The following ANO4 variants were observed in gnomAD, a reference collection of about 807,000 sequenced individuals.
ANO4 encodes anoctamin 4.
ANO4 carries 69 observed loss-of-function variants against 141.9 expected under a neutral mutation model. The observed-to-expected ratio is 0.49, with a 90% CI of 0.40 to 0.59. The LOEUF (loss-of-function observed/expected upper bound fraction) is 0.59, where lower values mean the gene tolerates loss of function less well. Ranked by LOEUF, ANO4 falls within the 20% of genes least tolerant of loss-of-function variation. The pLI is 0.00. For missense variants in ANO4, 894 were observed against 1,162.2 expected (o/e 0.77, Z 3.36); for synonymous variants, 350 against 394.3 (o/e 0.89, Z 1.33).
intron 1 of ANO4, among the ~76,000 whole-genome samples, chr12:100,884,662 T>C (rs1253610561): frequency 6.6e-6 from 1 of 152,184 alleles, no homozygotes; most frequent in Non-Finnish European, 1.5e-5. Flanking sequence ...GTGTTCCTTC[T>C]GTCTTTCTGG....
At chr12:100,873,277 G>C (rs755189509) in intron 1 of ANO4, among the ~76,000 whole-genome samples, 62 of 152,318 alleles carry the variant, frequency 4.1e-4, no homozygotes, top group Non-Finnish European at 5.6e-4. Context: ...TTTGGAACTG[G>C]GTAATGGGCA....
rs961829169 is a variant in ANO4 at position 101,007,384 on chromosome 12, T to C, written c.735-12650T>C. On this transcript the variant is annotated intron_variant, in intron 8 of 27. Coordinates refer to ENST00000392977, the MANE Select transcript of ANO4 (RefSeq NM_001286615.2). ...TAAATGAAAATTTTTAAGTGACAAA[T>C]AGATGATAATAAAAATCATGAAACT... Among the ~76,000 whole-genome samples the C allele has an allele frequency of 3.3e-5, 5 of 152,062 alleles. No individual in the cohort carries two copies. The East Asian group carries it at 9.6e-4, about 29-fold the overall frequency.
chr12:101,037,241 A>G, intron 10 of ANO4, 91 bp downstream of exon 10: 2 of 1,353,000 alleles, frequency 1.5e-6, no homozygotes, highest in Non-Finnish European at 2.1e-6. Flanking sequence ...ATTTGTTGAC[A>G]TTTGCTCAGA....
intron 3 of ANO4, among the ~76,000 whole-genome samples, chr12:100,760,744 A>G (rs895800098): frequency 3.9e-5 from 6 of 152,188 alleles, no homozygotes; most frequent in African/African-American, 7.2e-5. Context: ...TCTGTTCTGC[A>G]GGCTTGGAGG....
intron 2 of ANO4, 140 bp from the exon 3 acceptor site, chr12:100,922,086 G>C (rs1315210392): frequency 2.5e-6 from 1 of 403,194 alleles, no homozygotes; most frequent in African/African-American, 2.2e-5. Context: ...TTTTTCTTAA[G>C]TCCTTTGTCT....
At chr12:100,726,966 C>CCCG (rs1565840771) in intron 1 of ANO4, among the ~76,000 whole-genome samples, 2 of 151,554 alleles carry the variant, frequency 1.3e-5, no homozygotes, top group East Asian at 4.0e-4. Flanking sequence ...CGGGACCCCC[C>CCCG]CCGCCCATTC....
chr12:101,041,267 C>T (rs10507128), intron 11 of ANO4, among the ~76,000 whole-genome samples: 5,193 of 152,238 alleles, frequency 0.034, 144 homozygotes, highest in East Asian at 0.11. Flanking sequence ...ACCAAGTGTT[C>T]CAAGGGCATT....
intron 22 of ANO4, among the ~76,000 whole-genome samples, chr12:101,100,983 T>G (rs931913685): frequency 1.2e-4 from 18 of 152,184 alleles, no homozygotes; most frequent in African/African-American, 4.3e-4. Context: ...TTTTTGTAAA[T>G]AAAGTTTTAT....
intron 2 of ANO4, among the ~76,000 whole-genome samples, chr12:100,911,238 GT>G (rs1398213977): frequency 1.3e-5 from 2 of 152,104 alleles, no homozygotes; most frequent in African/African-American, 4.8e-5. Flanking sequence ...ATGAAGAAGG[GT>G]AAGTACCTTG....
intron 1 of ANO4, among the ~76,000 whole-genome samples, chr12:100,726,873 TA>T (rs986933320): frequency 1.4e-4 from 21 of 151,942 alleles, no homozygotes; most frequent in South Asian, 8.3e-4. Flanking sequence ...AGTGCAACAT[TA>T]AAAAAACTTT....
intron 1 of ANO4, among the ~76,000 whole-genome samples, chr12:100,832,725 C>G (rs1473322944): frequency 6.6e-6 from 1 of 152,128 alleles, no homozygotes; most frequent in Non-Finnish European, 1.5e-5. Flanking sequence ...ATGTCAAAAT[C>G]ACTTTCCTCT....
chr12:101,007,687 G>A (rs67211609), intron 8 of ANO4, among the ~76,000 whole-genome samples: 34,596 of 151,948 alleles, frequency 0.23, 4,210 homozygotes, highest in Non-Finnish European at 0.28. Flanking sequence ...TATATTATTT[G>A]GGGGGGAAAA....
intron 3 of ANO4, among the ~76,000 whole-genome samples, chr12:100,937,101 A>T (rs992624294): frequency 1.3e-5 from 2 of 152,276 alleles, no homozygotes; most frequent in African/African-American, 2.4e-5. Flanking sequence ...TGTTAGGAAA[A>T]CCATATGCCA....
intron 3 of ANO4, among the ~76,000 whole-genome samples, chr12:100,936,512 G>A (rs2042293728): frequency 6.6e-6 from 1 of 152,186 alleles, no homozygotes; most frequent in Non-Finnish European, 1.5e-5. Flanking sequence ...GTGCCAGAAA[G>A]TAATATTGAT....
intron 2 of ANO4, among the ~76,000 whole-genome samples, chr12:100,917,625 T>C (rs2041407710): frequency 6.6e-6 from 1 of 152,196 alleles, no homozygotes; most frequent in African/African-American, 2.4e-5. Flanking sequence ...CACTCTCCAT[T>C]TAGGAAAGCT....
chr12:100,766,816 GTCT>G (rs1213485069), intron 3 of ANO4, among the ~76,000 whole-genome samples: 1 of 152,076 alleles, frequency 6.6e-6, no homozygotes, highest in African/African-American at 2.4e-5. Context: ...GGGTGTTGAA[GTCT>G]TCTACTAGTG....
chr12:100,864,734 G>T (rs750442014), intron 1 of ANO4, among the ~76,000 whole-genome samples: 1 of 152,114 alleles, frequency 6.6e-6, no homozygotes, highest in Non-Finnish European at 1.5e-5. Context: ...TGTGCAGAAC[G>T]TGCAGGTTTG....
chr12:101,095,385 G>A (rs1343098999), intron 18 of ANO4, among the ~76,000 whole-genome samples: 1 of 152,200 alleles, frequency 6.6e-6, no homozygotes, highest in Non-Finnish European at 1.5e-5. Context: ...AATGCCATTG[G>A]AGGTACAGTC....
At chr12:100,739,363 T>G (rs559322527) in intron 2 of ANO4, among the ~76,000 whole-genome samples, 101 of 152,228 alleles carry the variant, frequency 6.6e-4, no homozygotes, top group African/African-American at 2.4e-3. Flanking sequence ...TTCATCTTGC[T>G]TTGTACTGTA....
Sources: gnomAD v4.1 joint callset for allele counts (sites outside exome capture counted in the v4.1 genomes callset) on GRCh38, gnomAD v4.1.1 for gene constraint, MANE v1.5 for transcripts, NCBI Gene and HGNC (gene_info 2026-07-23, HGNC 2026-07-21) for gene names.